Variants in CHRM5 observed in about 807,000 individuals in gnomAD.
CHRM5 encodes the protein muscarinic acetylcholine receptor M5.
CHRM5 carries 18 observed loss-of-function variants against 39.0 expected under a neutral mutation model. The ratio of observed to expected loss-of-function variants is 0.46; its 90% CI spans 0.32 to 0.68. The LOEUF (loss-of-function observed/expected upper bound fraction) is 0.68, where lower values mean the gene tolerates loss of function less well. Ranked by LOEUF, CHRM5 falls within the 30% of genes least tolerant of loss-of-function variation. The pLI is 0.04. For synonymous variants in CHRM5, 241 were observed against 246.3 expected (o/e 0.98, Z 0.20); for missense variants, 515 against 651.1 (o/e 0.79, Z 2.28).
Position 34,063,576 on chromosome 15 carries a change from G to A in CHRM5, c.859G>A (p.Ala287Thr). 1.2e-6 allele frequency: 2 copies of A among 1,613,734 alleles called. No individual in the cohort carries two copies. Among genetic ancestry groups the A allele is most frequent in the Non-Finnish European group, 1.7e-6 (2 of 1,180,032 alleles). The change falls in exon 3 of 3, where the codon GCC becomes ACC. Residue 287 changes from alanine (A) to threonine (T), a missense_variant. Ala to Thr is a moderately conservative substitution (Grantham distance 58). Coordinates refer to ENST00000383263, the MANE Select transcript of CHRM5 (RefSeq NM_012125.4). This position sits in a 1 kb window ranked among gnomAD's most constrained non-coding sequence, Gnocchi z 4.1. ...CTCCACCACTGGGAAGCCATCCCAA[G>A]CCACTGGCCCAAGCGCCAATTGGGC... ...STSTTGKPSQATGPSANWAKA... is the reference protein window; with the variant it reads ...STSTTGKPSQTTGPSANWAKA...
At chr15:34,013,883 C>T (rs1050774837) in intron 1 of CHRM5, among the ~76,000 whole-genome samples, 1 of 152,122 alleles carries the variant, frequency 6.6e-6, no homozygotes, top group Non-Finnish European at 1.5e-5. Flanking sequence ...AGACTCACGG[C>T]CTGAGATGAG....
chr15:34,046,395 T>C (rs1413437730), intron 1 of CHRM5, 145 bp from the exon 2 acceptor site: 1 of 149,710 alleles, frequency 6.7e-6, no homozygotes, highest in Non-Finnish European at 1.5e-5. Flanking sequence ...TAAAGGCTAA[T>C]TATATTAATT....
At chr15:34,017,307 T>C (rs1038415516) in intron 1 of CHRM5, among the ~76,000 whole-genome samples, 3 of 152,012 alleles carry the variant, frequency 2.0e-5, no homozygotes, top group Non-Finnish European at 4.4e-5. Context: ...TTAAACAGCA[T>C]GGAGATCTCA....
At chr15:33,999,355 A>G (rs1169260902) in intron 1 of CHRM5, among the ~76,000 whole-genome samples, 3 of 152,196 alleles carry the variant, frequency 2.0e-5, no homozygotes, top group Non-Finnish European at 4.4e-5. Flanking sequence ...GCACTACCTC[A>G]GTGCTTTCAT....
intron 1 of CHRM5, among the ~76,000 whole-genome samples, chr15:34,016,303 G>A (rs888769407): frequency 6.6e-5 from 10 of 152,182 alleles, no homozygotes; most frequent in Admixed American, 5.2e-4. Flanking sequence ...AGAATGAAGT[G>A]CACAGTACTA....
At chr15:34,032,703 C>G (rs917088133) in intron 1 of CHRM5, among the ~76,000 whole-genome samples, 1 of 152,176 alleles carries the variant, frequency 6.6e-6, no homozygotes, top group African/African-American at 2.4e-5. Flanking sequence ...TCAAGATCCA[C>G]GGTCTTTCCC....
At chr15:33,983,170 G>GTGTGTATA (rs796742277) in intron 1 of CHRM5, among the ~76,000 whole-genome samples, 14,057 of 126,192 alleles carry the variant, frequency 0.11, 1,128 homozygotes, top group East Asian at 0.25. Context: ...ATGTGTGTGT[G>GTGTGTATA]TATATATACA....
chr15:34,027,528 C>CA lies in CHRM5; in HGVS notation c.-407-18999dup, dbSNP rs35780353. Reference sequence around the variant, plus strand: ...TGGATGACAAAGAGAGACTCTGTCTCAAAAAAAAAAAAAGAAAGAAAACGA... The same window carrying CA: ...TGGATGACAAAGAGAGACTCTGTCTCAAAAAAAAAAAAAAGAAAGAAAACGA... On this transcript the variant is annotated intron_variant, in intron 1 of 2. Coordinates refer to ENST00000383263, the MANE Select transcript of CHRM5 (RefSeq NM_012125.4). Among the ~76,000 whole-genome samples, 117 of 132,572 alleles carry CA rather than the reference C, an allele frequency of 8.8e-4. 1 individual carries two copies. Among genetic ancestry groups the CA allele is most frequent in the African/African-American group, 2.2e-3 (79 of 35,496 alleles). The allele number at this position is 132,572 out of a possible 152,430, so 87.0% of individuals were successfully genotyped here. A position where few individuals can be genotyped will look rare whatever the true frequency, so the allele number is the denominator to read the frequency against.
intron 1 of CHRM5, among the ~76,000 whole-genome samples, chr15:34,032,962 T>C (rs918490436): frequency 2.6e-5 from 4 of 152,230 alleles, no homozygotes; most frequent in Admixed American, 2.0e-4. Flanking sequence ...ACTTTAAAAA[T>C]AACTTTTTGG....
chr15:33,975,426 A>C (rs542027673), intron 1 of CHRM5, among the ~76,000 whole-genome samples: 1 of 152,224 alleles, frequency 6.6e-6, no homozygotes, highest in Non-Finnish European at 1.5e-5. Context: ...AACATTGATC[A>C]AGCAACTAAG....
intron 1 of CHRM5, among the ~76,000 whole-genome samples, chr15:33,988,959 A>T (rs1311454439): frequency 6.6e-6 from 1 of 151,698 alleles, no homozygotes; most frequent in Non-Finnish European, 1.5e-5. Context: ...AGCACATTTG[A>T]TTTTTTTTTC....
intron 2 of CHRM5, among the ~76,000 whole-genome samples, chr15:34,058,315 C>G (rs1371026405): frequency 6.6e-6 from 1 of 152,102 alleles, no homozygotes; most frequent in African/African-American, 2.4e-5. Context: ...AACCATCACA[C>G]TATTGATAAA....
At position 34,062,971 on chromosome 15, in the gene CHRM5, A is replaced by C; in HGVS notation, c.254A>C (p.Asn85Thr). 1.2e-6 allele frequency: 2 copies of C among 1,613,978 alleles called. No individual in the cohort carries two copies. Among genetic ancestry groups the C allele is most frequent in the Non-Finnish European group, 1.7e-6 (2 of 1,179,966 alleles). ...CTCATCATTGGAATCTTCTCCATGAACCTCTACACCACCTACATCCTCATG... is the reference window on the plus strand; with the variant it reads ...CTCATCATTGGAATCTTCTCCATGACCCTCTACACCACCTACATCCTCATG... ...ADLIIGIFSM[N>T]LYTTYILMGR... Residue 85 changes from asparagine (N) to threonine (T), a missense_variant, in exon 3 of 3, where the codon AAC becomes ACC. By Grantham distance (65) the Asn-to-Thr change is moderately conservative. Coordinates refer to ENST00000383263, the MANE Select transcript of CHRM5 (RefSeq NM_012125.4).
chr15:34,038,585 C>T (rs111748206), intron 1 of CHRM5, among the ~76,000 whole-genome samples: 1 of 150,096 alleles, frequency 6.7e-6, no homozygotes, highest in African/African-American at 2.5e-5. Flanking sequence ...GCCACGAGGG[C>T]CAAGCGCATA....
intron 2 of CHRM5, 101 bp from the exon 3 acceptor site, chr15:34,062,542 G>C (rs555205984): frequency 1.3e-4 from 73 of 555,498 alleles, no homozygotes; most frequent in Admixed American, 5.5e-4. Context: ...GTGACAAAGC[G>C]AGATTCTGTC....
chr15:34,018,599 G>A (rs1329341472), intron 1 of CHRM5: 1 of 152,234 alleles, frequency 6.6e-6, no homozygotes, highest in Non-Finnish European at 1.5e-5. Context: ...AGGTAGTGCA[G>A]ACCCAAAGAG....
At chr15:33,978,008 G>C (rs1895959756) in intron 1 of CHRM5, among the ~76,000 whole-genome samples, 1 of 146,182 alleles carries the variant, frequency 6.8e-6, no homozygotes, top group Non-Finnish European at 1.5e-5. Context: ...AAGAGAGGAA[G>C]GGAGGGAGGG....
At chr15:34,040,086 C>T (rs188696048) in intron 1 of CHRM5, among the ~76,000 whole-genome samples, 23 of 152,232 alleles carry the variant, frequency 1.5e-4, no homozygotes, top group African/African-American at 4.3e-4. Flanking sequence ...TTCCTATATC[C>T]ATACATAGTT....
intron 1 of CHRM5, among the ~76,000 whole-genome samples, chr15:33,994,123 T>C (rs1896839498): frequency 6.6e-6 from 1 of 152,220 alleles, no homozygotes; most frequent in Non-Finnish European, 1.5e-5. Flanking sequence ...CCGGGCTGCA[T>C]AGCAGGAGGT....
Sources: gnomAD v4.1 joint callset for allele counts (sites outside exome capture counted in the v4.1 genomes callset) on GRCh38, gnomAD v4.1.1 for gene constraint, Gnocchi (gnomAD v3.1) non-coding constraint, MANE v1.5 for transcripts, NCBI Gene and HGNC (gene_info 2026-07-23, HGNC 2026-07-21) for gene names.